OLFM3: variants seen among roughly 807,000 people sequenced by gnomAD.
The protein encoded by OLFM3 is olfactomedin 3, also known as noelin-3.
OLFM3 carries 20 observed loss-of-function variants against 48.6 expected under a neutral mutation model. That is an observed-to-expected ratio of 0.41 (90% confidence interval 0.29 to 0.60). The LOEUF (loss-of-function observed/expected upper bound fraction) is 0.60. Among genes scored for constraint, OLFM3 ranks in the 20% least tolerant of loss-of-function variants. The pLI is 0.28. For synonymous variants in OLFM3, 222 were observed against 198.1 expected, an observed-to-expected ratio of 1.12 and a Z score of -1.01; for missense variants, 437 against 544.3, an observed-to-expected ratio of 0.80 and a Z score of 1.96.
At chr1:101,818,858 T>G (rs1229755777) in intron 4 of OLFM3, among the ~76,000 whole-genome samples, 5 of 152,156 alleles carry the variant, frequency 3.3e-5, no homozygotes, top group Non-Finnish European at 5.9e-5. Flanking sequence ...AAGCTTTTGA[T>G]TTTACAAATC....
chr1:101,861,264 G>C (rs1361202556), intron 1 of OLFM3, among the ~76,000 whole-genome samples: 1 of 151,524 alleles, frequency 6.6e-6, no homozygotes, highest in Non-Finnish European at 1.5e-5. Context: ...GTTTCACTAT[G>C]TTAGCCAGGC....
At chr1:101,834,670 T>C (rs1280967592) in intron 2 of OLFM3, among the ~76,000 whole-genome samples, 2 of 152,208 alleles carry the variant, frequency 1.3e-5, no homozygotes, top group Non-Finnish European at 2.9e-5. Flanking sequence ...AAAACTACCA[T>C]ATGGTAAGTT....
intron 1 of OLFM3, chr1:101,847,061 T>G: frequency 6.7e-7 from 1 of 1,493,764 alleles, no homozygotes; most frequent in Non-Finnish European, 9.0e-7. Flanking sequence ...GCGCGCCACA[T>G]CTACAGCATG....
At chr1:101,903,545 T>A (rs1343751514) in intron 1 of OLFM3, among the ~76,000 whole-genome samples, 1 of 152,078 alleles carries the variant, frequency 6.6e-6, no homozygotes, top group Non-Finnish European at 1.5e-5. Flanking sequence ...GTTGAGTTTG[T>A]AAGGCTTATA....
At chr1:101,965,089 CT>C (rs1250465354) in intron 1 of OLFM3, among the ~76,000 whole-genome samples, 2 of 152,156 alleles carry the variant, frequency 1.3e-5, no homozygotes, top group Non-Finnish European at 2.9e-5. Context: ...GACAGCAACT[CT>C]TTTAGGAGAG....
In OLFM3 at chr1:101,898,779, G is replaced by A. The variant is rs149340492; in HGVS notation, c.70-61754C>T. 6.4e-3 allele frequency among the ~76,000 whole-genome samples: 980 copies of A among 152,174 alleles called. 15 individuals are homozygous for A. Among genetic ancestry groups the A allele is most frequent in the African/African-American group, 0.022 (925 of 41,492 alleles). ...CATGAGAATCACTTGAGTCTGGGAG[G>A]CAGAGGCTGCAGTGAGCCAAGATCA... On this transcript the variant is annotated intron_variant, in intron 1 of 5. Transcript: ENST00000370103.
In OLFM3 at chr1:101,956,545, G is replaced by T. The variant is rs561715964; in HGVS notation, c.69+40203C>A. Among the ~76,000 whole-genome samples, 11 of 151,708 alleles carry T rather than the reference G, an allele frequency of 7.3e-5. No individual in the cohort carries two copies. The East Asian group carries it at 2.1e-3, about 29-fold the overall frequency. On this transcript the variant is annotated intron_variant, in intron 1 of 5. Transcript: ENST00000370103. ...TATTCAAATATCCTTTTTGTTCTTT[G>T]ACACTTTGCCAGAGTTCTACCTTCA...
At chr1:101,893,310 G>T (rs7417910) in intron 1 of OLFM3, 2 of 372,100 alleles carry the variant, frequency 5.4e-6, no homozygotes. Flanking sequence ...ATGCAAATAA[G>T]AATTCATCAG....
At chr1:101,923,018 A>C (rs1659149242) in intron 1 of OLFM3, among the ~76,000 whole-genome samples, 1 of 152,210 alleles carries the variant, frequency 6.6e-6, no homozygotes, top group Non-Finnish European at 1.5e-5. Context: ...TAGCTCAAAC[A>C]AGCAAAGTCA....
At chr1:101,872,973 T>C (rs956289006) in intron 1 of OLFM3, among the ~76,000 whole-genome samples, 2 of 151,928 alleles carry the variant, frequency 1.3e-5, no homozygotes, top group Admixed American at 6.6e-5. Context: ...TTGTAGGACA[T>C]TTAAAAGCGG....
chr1:101,990,251 G>A (rs1004950186), intron 1 of OLFM3, among the ~76,000 whole-genome samples: 2 of 152,142 alleles, frequency 1.3e-5, no homozygotes, highest in African/African-American at 4.8e-5. Context: ...TGATGGGCTG[G>A]TTTTGAGAAG....
chr1:101,870,774 A>G (rs1204298519), intron 1 of OLFM3, among the ~76,000 whole-genome samples: 1 of 151,910 alleles, frequency 6.6e-6, no homozygotes, highest in Non-Finnish European at 1.5e-5. Flanking sequence ...TATAATACCT[A>G]GAGAGCTTTT....
chr1:101,944,431 C>T (rs945183442), intron 1 of OLFM3, among the ~76,000 whole-genome samples: 2 of 152,056 alleles, frequency 1.3e-5, no homozygotes, highest in African/African-American at 4.8e-5. Context: ...TTCAATAGTG[C>T]CTATTCAAGC....
intron 1 of OLFM3, among the ~76,000 whole-genome samples, chr1:101,903,227 A>G (rs930787491): frequency 1.3e-5 from 2 of 152,044 alleles, no homozygotes; most frequent in Admixed American, 6.6e-5. Flanking sequence ...GCCCAAAGAG[A>G]GTGGCTAATT....
Position 101,819,701 on chromosome 1 carries a change from A to G in OLFM3, c.592+5325T>C, listed in dbSNP as rs537575345. ...GTCATTAAATTAAAGTTATTGAGGT[A>G]TCTGGGGGGGTCTTTATTATTTTGT... On this transcript the variant is annotated intron_variant, in intron 4 of 5. Transcript: ENST00000370103. 2.6e-5 allele frequency among the ~76,000 whole-genome samples: 4 copies of G among 152,074 alleles called. No homozygotes were observed. The East Asian group carries it at 7.7e-4, about 29-fold the overall frequency.
intron 1 of OLFM3, among the ~76,000 whole-genome samples, chr1:101,839,871 C>T (rs1320101733): frequency 6.6e-6 from 1 of 152,194 alleles, no homozygotes; most frequent in African/African-American, 2.4e-5. Flanking sequence ...AGAGCCATGA[C>T]CTTCTCTACT....
At chr1:101,985,497 A>G (rs778260765) in intron 1 of OLFM3, among the ~76,000 whole-genome samples, 4 of 152,208 alleles carry the variant, frequency 2.6e-5, no homozygotes, top group Non-Finnish European at 5.9e-5. Flanking sequence ...ATTAAAAGTA[A>G]ACCCAATTTC....
chr1:101,891,738 C>T (rs1489040093), intron 1 of OLFM3, among the ~76,000 whole-genome samples: 1 of 151,872 alleles, frequency 6.6e-6, no homozygotes, highest in East Asian at 1.9e-4. Context: ...GCCAAATCTC[C>T]AATGTGTATA....
intron 1 of OLFM3, among the ~76,000 whole-genome samples, chr1:101,936,590 G>T (rs1352621532): frequency 6.6e-6 from 1 of 152,066 alleles, no homozygotes; most frequent in Non-Finnish European, 1.5e-5. Context: ...ATTCTTCACA[G>T]AATTAGAAAA....
Sources: allele counts gnomAD v4.1 joint callset (sites outside exome capture counted in the v4.1 genomes callset), GRCh38; gene constraint gnomAD v4.1.1; transcripts MANE v1.5; gene names NCBI Gene and HGNC (gene_info 2026-07-23, HGNC 2026-07-21).